The following NEGR1 variants were observed in gnomAD, a reference collection of about 807,000 sequenced individuals.
NEGR1 encodes neuronal growth regulator 1.
A neutral mutation model predicts 40.9 loss-of-function variants in NEGR1; 10 were observed. The ratio of observed to expected loss-of-function variants is 0.24; its 90% CI spans 0.15 to 0.42. The LOEUF (loss-of-function observed/expected upper bound fraction) is 0.42, where lower values mean the gene tolerates loss of function less well. NEGR1 is among the 10% of genes least tolerant of loss of function. The probability of loss-of-function intolerance (pLI) is 1.00; values close to 1 mark genes in which losing one functional copy is unlikely to be tolerated. For missense variants in NEGR1, 352 were observed against 438.9 expected, an observed-to-expected ratio of 0.80 and a Z score of 1.77; for synonymous variants, 185 against 166.8, an observed-to-expected ratio of 1.11 and a Z score of -0.84.
chr1:71,559,027 A>G (rs1247544923), intron 6 of NEGR1, among the ~76,000 whole-genome samples: 51 of 112,502 alleles, frequency 4.5e-4, no homozygotes, highest in African/African-American at 8.2e-4. Flanking sequence ...GTGTATATAT[A>G]TATATATATA....
At chr1:71,531,517 C>T (rs1287037596) in intron 6 of NEGR1, among the ~76,000 whole-genome samples, 1 of 151,234 alleles carries the variant, frequency 6.6e-6, no homozygotes, top group African/African-American at 2.4e-5. Context: ...TTATATTAAT[C>T]TGTAGAGGAC....
At chr1:72,198,398 G>T (rs1413185105) in intron 1 of NEGR1, among the ~76,000 whole-genome samples, 2 of 152,006 alleles carry the variant, frequency 1.3e-5, no homozygotes, top group Admixed American at 1.3e-4. Context: ...TAGGGAAGAT[G>T]CACATTGTCC....
rs560755444 is a variant in NEGR1, at chr1:71,733,795, T to C, written c.536-35656A>G. ...ACCAAAATAAAATGGTGCAGAATTA[T>C]ATATGTCATCTAACTGCCTGTATAG... On this transcript the variant is annotated intron_variant, in intron 3 of 6. Transcript: ENST00000357731. Among the ~76,000 whole-genome samples the C allele has an allele frequency of 1.4e-4, 21 of 152,332 alleles. No individual in the cohort carries two copies. In the East Asian group the frequency reaches 1.5e-3, roughly 11 times the overall value.
chr1:71,689,906 G>A (rs1054436104), intron 4 of NEGR1, among the ~76,000 whole-genome samples: 17 of 151,556 alleles, frequency 1.1e-4, no homozygotes, highest in South Asian at 4.2e-4. Flanking sequence ...GATATTTAAC[G>A]TTATTTTAAC....
intron 6 of NEGR1, among the ~76,000 whole-genome samples, chr1:71,547,127 A>G (rs929008073): frequency 6.6e-6 from 1 of 151,770 alleles, no homozygotes; most frequent in South Asian, 2.1e-4. Flanking sequence ...CTTTTCTTCC[A>G]GAAAGTTTTG....
intron 1 of NEGR1, among the ~76,000 whole-genome samples, chr1:72,087,109 C>G (rs924594077): frequency 6.6e-6 from 1 of 152,110 alleles, no homozygotes; most frequent in Admixed American, 6.6e-5. Flanking sequence ...AATTCTATAA[C>G]TCTACAATTA....
chr1:71,934,961 A>G (rs1645889981), intron 2 of NEGR1, 118 bp downstream of exon 2: 1 of 664,954 alleles, frequency 1.5e-6, no homozygotes, highest in Non-Finnish European at 2.6e-6. Context: ...TTCAACAAAT[A>G]TTTCAATGAC....
intron 1 of NEGR1, among the ~76,000 whole-genome samples, chr1:72,105,536 T>C (rs1649101906): frequency 6.7e-6 from 1 of 149,812 alleles, no homozygotes; most frequent in Admixed American, 6.6e-5. Flanking sequence ...ATACCTCATC[T>C]CTCCACAGTA....
chr1:71,833,530 G>A (rs2101793578), intron 2 of NEGR1, among the ~76,000 whole-genome samples: 1 of 151,702 alleles, frequency 6.6e-6, no homozygotes, highest in African/African-American at 2.4e-5. Context: ...CAATGGAGAA[G>A]GAAGCAGAGA....
chr1:71,556,521 A>G (rs1648256422), intron 6 of NEGR1, among the ~76,000 whole-genome samples: 2 of 151,618 alleles, frequency 1.3e-5, no homozygotes, highest in African/African-American at 4.8e-5. Context: ...CCTGGTGCAC[A>G]CATTATCTTG....
At chr1:71,563,842 G>A (rs1017658278) in intron 6 of NEGR1, among the ~76,000 whole-genome samples, 52 of 151,818 alleles carry the variant, frequency 3.4e-4, no homozygotes, top group African/African-American at 1.3e-3. Flanking sequence ...GAAAGTTTGG[G>A]GAACTTGTCC....
At chr1:71,981,414 G>T (rs1409232745) in intron 1 of NEGR1, among the ~76,000 whole-genome samples, 2 of 152,142 alleles carry the variant, frequency 1.3e-5, no homozygotes, top group African/African-American at 4.8e-5. Flanking sequence ...TTACTCATGT[G>T]CTGGGTGGAA....
chr1:71,969,171 C>T (rs1399872276), intron 1 of NEGR1, among the ~76,000 whole-genome samples: 5 of 152,002 alleles, frequency 3.3e-5, no homozygotes, highest in Non-Finnish European at 5.9e-5. Flanking sequence ...CCCGCCACCA[C>T]GCCCAGCTAA....
intron 1 of NEGR1, among the ~76,000 whole-genome samples, chr1:72,037,084 A>T (rs1193362083): frequency 1.3e-5 from 2 of 152,114 alleles, no homozygotes; most frequent in African/African-American, 4.8e-5. Flanking sequence ...ACATCCTATG[A>T]CTTCTACATT....
chr1:71,482,858 G>A (rs1646863003), intron 6 of NEGR1, among the ~76,000 whole-genome samples: 1 of 151,804 alleles, frequency 6.6e-6, no homozygotes, highest in Middle Eastern at 3.2e-3. Flanking sequence ...AGGTGCTGGG[G>A]ACAAAGTCAT....
Position 71,592,770 on chromosome 1 carries a change from G to A in NEGR1, c.940+47C>T, listed in dbSNP as rs530620256. 6 of 1,510,198 alleles carry A rather than the reference G, an allele frequency of 4.0e-6. No individual in the cohort carries two copies. In the African/African-American group the frequency reaches 5.5e-5, roughly 14 times the overall value. 93.5% of individuals were successfully genotyped at this position (1,510,198 alleles called of 1,614,324 possible). A position where few individuals can be genotyped will look rare whatever the true frequency, so the allele number is the denominator to read the frequency against. ...AGGTTTTATCTCTACAGATGGATAG[G>A]GGCCCAGAGGCCCCTGGAAGCATTT... On this transcript the variant is annotated intron_variant, in intron 6 of 6. Transcript: ENST00000357731.
intron 6 of NEGR1, among the ~76,000 whole-genome samples, chr1:71,546,400 T>G (rs1318690857): frequency 1.3e-5 from 2 of 151,682 alleles, no homozygotes; most frequent in Admixed American, 1.3e-4. Context: ...GCATATGCTT[T>G]CTAGTGGGCA....
chr1:71,557,152 A>G (rs962272962), intron 6 of NEGR1, among the ~76,000 whole-genome samples: 2 of 151,646 alleles, frequency 1.3e-5, no homozygotes, highest in Non-Finnish European at 3.0e-5. Context: ...TATGGTAGAG[A>G]TAGTTCATCT....
At chr1:72,244,819 G>A (rs1391695177) in intron 1 of NEGR1, among the ~76,000 whole-genome samples, 1 of 151,832 alleles carries the variant, frequency 6.6e-6, no homozygotes, top group East Asian at 1.9e-4. Flanking sequence ...TGAAAGTAAT[G>A]GTCAACAGCA....
Sources: allele counts gnomAD v4.1 joint callset (sites outside exome capture counted in the v4.1 genomes callset), GRCh38; gene constraint gnomAD v4.1.1; transcripts MANE v1.5; gene names NCBI Gene and HGNC (gene_info 2026-07-23, HGNC 2026-07-21).